TNNI3K: variants seen among roughly 807,000 people sequenced by gnomAD.
TNNI3K encodes the protein TNNI3 interacting kinase, also known as serine/threonine-protein kinase TNNI3K.
TNNI3K carries 140 observed loss-of-function variants against 114.5 expected under a neutral mutation model. The ratio of observed to expected loss-of-function variants is 1.22; its 90% CI spans 1.07 to 1.41. TNNI3K has a LOEUF of 1.41. Ranked by LOEUF, TNNI3K falls within the 40% of genes most tolerant of loss-of-function variation. The pLI, the probability that TNNI3K is intolerant of heterozygous loss-of-function variation, is 0.00. For missense variants in TNNI3K, 1,125 were observed against 1,007.6 expected (o/e 1.12, Z -1.58); for synonymous variants, 347 against 347.5 (o/e 1.00, Z 0.02).
intron 24 of TNNI3K, among the ~76,000 whole-genome samples, chr1:74,542,538 A>T (rs1487270867): frequency 6.6e-6 from 1 of 152,176 alleles, no homozygotes; most frequent in African/African-American, 2.4e-5. Flanking sequence ...CAGTCCCAAA[A>T]GAGGTGAGTG....
chr1:74,479,880 G>T (rs568779695), intron 21 of TNNI3K, among the ~76,000 whole-genome samples: 2 of 152,218 alleles, frequency 1.3e-5, no homozygotes, highest in Non-Finnish European at 2.9e-5. Flanking sequence ...TAAATAGCAG[G>T]TTAACCTGTT....
At chr1:74,444,367 A>G (rs1159984754) in intron 20 of TNNI3K, among the ~76,000 whole-genome samples, 1 of 152,190 alleles carries the variant, frequency 6.6e-6, no homozygotes, top group Non-Finnish European at 1.5e-5. Flanking sequence ...AAAAATCACA[A>G]GCATTCCTAT....
At chr1:74,336,993 A>C (rs946113850) in intron 7 of TNNI3K, among the ~76,000 whole-genome samples, 1 of 151,354 alleles carries the variant, frequency 6.6e-6, no homozygotes, top group South Asian at 2.1e-4. Context: ...CTATTTCTCC[A>C]CATCCTCTCC....
intron 9 of TNNI3K, among the ~76,000 whole-genome samples, chr1:74,352,708 G>T (rs945566432): frequency 6.6e-6 from 1 of 152,184 alleles, no homozygotes; most frequent in African/African-American, 2.4e-5. Context: ...CTTGTAGTTT[G>T]ATCTCAGACT....
chr1:74,336,562 CA>C (rs1455612489), intron 7 of TNNI3K, among the ~76,000 whole-genome samples: 2 of 148,430 alleles, frequency 1.3e-5, no homozygotes, highest in African/African-American at 5.0e-5. Flanking sequence ...CATGTGATCT[CA>C]TTGTTCAATT....
chr1:74,347,137 C>T (rs1292457961), intron 9 of TNNI3K, among the ~76,000 whole-genome samples: 1 of 140,258 alleles, frequency 7.1e-6, no homozygotes, highest in Non-Finnish European at 1.5e-5. Flanking sequence ...TCTCCTAATG[C>T]TATCCCTCCC....
intron 9 of TNNI3K, among the ~76,000 whole-genome samples, chr1:74,348,212 A>G (rs1055681551): frequency 2.0e-5 from 3 of 152,218 alleles, no homozygotes; most frequent in African/African-American, 7.2e-5. Flanking sequence ...ACCTTTCTAC[A>G]TGTGGCTAAC....
chr1:74,289,433 G>A (rs1298776813), intron 5 of TNNI3K, among the ~76,000 whole-genome samples: 1 of 151,892 alleles, frequency 6.6e-6, no homozygotes, highest in East Asian at 1.9e-4. Context: ...GAGTAATGGG[G>A]TTTAAATTTA....
intron 23 of TNNI3K, among the ~76,000 whole-genome samples, chr1:74,506,490 T>C (rs180780136): frequency 3.3e-5 from 5 of 152,324 alleles, no homozygotes; most frequent in Non-Finnish European, 7.4e-5. Context: ...GCTGCTCTCA[T>C]ACTAATCAGT....
chr1:74,405,231 C>A (rs537468818), intron 17 of TNNI3K, among the ~76,000 whole-genome samples: 1 of 152,024 alleles, frequency 6.6e-6, no homozygotes, highest in African/African-American at 2.4e-5. Flanking sequence ...GACGGGGGAG[C>A]ATATACAAAA....
intron 23 of TNNI3K, among the ~76,000 whole-genome samples, chr1:74,520,728 T>C (rs746562543): frequency 1.3e-5 from 2 of 151,880 alleles, no homozygotes; most frequent in African/African-American, 2.4e-5. Context: ...GCATACTATG[T>C]GGTATTTGGG....
chr1:74,335,767 C>G (rs45533531), intron 6 of TNNI3K, among the ~76,000 whole-genome samples: 4,056 of 152,222 alleles, frequency 0.027, 196 homozygotes, highest in African/African-American at 0.094. Flanking sequence ...TGCTGCAGCT[C>G]TCTTACTACC....
At chr1:74,296,291 C>G (rs887365116) in intron 5 of TNNI3K, among the ~76,000 whole-genome samples, 2 of 150,978 alleles carry the variant, frequency 1.3e-5, no homozygotes, top group Non-Finnish European at 3.0e-5. Context: ...AAAAAAAAAT[C>G]TGATATAACA....
At chr1:74,287,352 C>T (rs1268824284) in intron 5 of TNNI3K, among the ~76,000 whole-genome samples, 1 of 152,018 alleles carries the variant, frequency 6.6e-6, no homozygotes, top group Non-Finnish European at 1.5e-5. Context: ...AAATGAATAT[C>T]CTTATCCATG....
intron 7 of TNNI3K, chr1:74,341,506 T>C (rs1433522688): frequency 6.6e-6 from 1 of 152,080 alleles, no homozygotes; most frequent in Non-Finnish European, 1.5e-5. Context: ...TAGTGATCAC[T>C]TGATTCTTGT....
chr1:74,497,659 G>A (rs1557607697), intron 23 of TNNI3K, among the ~76,000 whole-genome samples: 1 of 151,752 alleles, frequency 6.6e-6, no homozygotes, highest in Admixed American at 6.6e-5. Context: ...CATTTATTCA[G>A]CCTTGACCTC....
At chr1:74,337,661 T>A (rs1282504866) in intron 7 of TNNI3K, among the ~76,000 whole-genome samples, 1 of 152,146 alleles carries the variant, frequency 6.6e-6, no homozygotes, top group Admixed American at 6.6e-5. Context: ...AGATCAAGAT[T>A]TAGAATATTT....
chr1:74,413,419 G>T (rs935306817), intron 17 of TNNI3K, among the ~76,000 whole-genome samples: 1 of 152,140 alleles, frequency 6.6e-6, no homozygotes, highest in African/African-American at 2.4e-5. Context: ...TATTAAGAAA[G>T]CTATTGTTTC....
intron 9 of TNNI3K, among the ~76,000 whole-genome samples, chr1:74,346,627 G>A (rs1437018134): frequency 6.7e-6 from 1 of 149,086 alleles, no homozygotes; most frequent in Non-Finnish European, 1.5e-5. Context: ...TCCCTTCTCT[G>A]TTTCTTTGGC....
Sources: gnomAD v4.1 joint callset for allele counts (sites outside exome capture counted in the v4.1 genomes callset) on GRCh38, gnomAD v4.1.1 for gene constraint, MANE v1.5 for transcripts, NCBI Gene and HGNC (gene_info 2026-07-23, HGNC 2026-07-21) for gene names.